VAV1: variants seen among roughly 807,000 people sequenced by gnomAD.
VAV1 encodes the protein proto-oncogene vav.
A neutral mutation model predicts 128.1 loss-of-function variants in VAV1; 33 were observed. The observed-to-expected ratio is 0.26, with a 90% CI of 0.20 to 0.34. The LOEUF is 0.34. VAV1 is among the 10% of genes least tolerant of loss of function. VAV1 has a pLI of 1.00. For synonymous variants in VAV1, 394 were observed against 409.8 expected (o/e 0.96, Z 0.47); for missense variants, 715 against 1,093.7 (o/e 0.65, Z 4.88).
chr19:6,812,327 A>G (rs1971531359), intron 1 of VAV1, among the ~76,000 whole-genome samples: 1 of 152,132 alleles, frequency 6.6e-6, no homozygotes, highest in African/African-American at 2.4e-5. Flanking sequence ...ATGAGTGAAG[A>G]TTGGAAGCTG....
intron 26 of VAV1, among the ~76,000 whole-genome samples, chr19:6,855,461 A>G (rs1972770482): frequency 6.6e-6 from 1 of 151,834 alleles, no homozygotes; most frequent in East Asian, 1.9e-4. Context: ...CTGTGCATCC[A>G]TCCATCTTAG....
At position 6,825,298 on chromosome 19, in the gene VAV1, A is replaced by G. The variant is rs1274960406; in HGVS notation, c.724-5A>G. ...GTCCCAGCCCTCACCCTTCCCTCCG[A>G]GTAGGACCTGCTTCGTGTTCATACT... On this transcript the variant is annotated splice_polypyrimidine_tract_variant and splice_region_variant and intron_variant, in intron 7 of 26. Transcript: ENST00000602142. 5.0e-6 allele frequency: 8 copies of G among 1,610,614 alleles called. No homozygotes were observed. The African/African-American group carries it at 9.4e-5, about 19-fold the overall frequency.
In VAV1 at chr19:6,826,542, G is replaced by C. The variant is rs896426486; in HGVS notation, c.828-70G>C. Reference sequence around the variant, plus strand: ...CTCCAGCGGGGAAGAGCAAGGCCAGGGCTGACGCCAGCCTCTGCCCGACCT... The same window carrying C: ...CTCCAGCGGGGAAGAGCAAGGCCAGCGCTGACGCCAGCCTCTGCCCGACCT... On this transcript the variant is annotated intron_variant, in intron 8 of 26. Coordinates refer to ENST00000602142, the MANE Select transcript of VAV1 (RefSeq NM_005428.4). The surrounding 1 kb of genome is among the most constrained non-coding windows in gnomAD (Gnocchi z 4.1). 9 of 1,237,648 alleles carry C rather than the reference G, an allele frequency of 7.3e-6. No homozygotes were observed. The highest frequency in any genetic ancestry group is 3.0e-5 in the African/African-American group (2 of 66,998). 76.7% of individuals were successfully genotyped at this position (1,237,648 alleles called of 1,614,324 possible). A position where few individuals can be genotyped will look rare whatever the true frequency, so the allele number is the denominator to read the frequency against.
chr19:6,851,026 G>A (rs1245671771), intron 24 of VAV1, among the ~76,000 whole-genome samples: 1 of 151,878 alleles, frequency 6.6e-6, no homozygotes, highest in Non-Finnish European at 1.5e-5. Context: ...ATGTATATAT[G>A]TATGTGTGTA....
intron 2 of VAV1, 30 bp from the exon 3 acceptor site, chr19:6,821,592 G>A (rs1971784793): frequency 6.2e-7 from 1 of 1,613,800 alleles, no homozygotes; most frequent in African/African-American, 1.3e-5. Flanking sequence ...TGTACAAGGG[G>A]CTCACTGAGT....
Position 6,856,959 on chromosome 19 carries a change from A to G in VAV1, c.2485-95A>G, listed in dbSNP as rs1280077687. ...ATAGACAGAAGGAAGAGCAGGTGCA[A>G]AGGCCCTGAGGTGGGAGGGAGCCTG... On this transcript the variant is annotated intron_variant, in intron 26 of 26. Transcript: ENST00000602142. 1.7e-5 allele frequency: 19 copies of G among 1,096,482 alleles called. No individual in the cohort carries two copies. In the South Asian group the frequency reaches 2.3e-4, roughly 14 times the overall value. The allele number at this position is 1,096,482 out of a possible 1,614,324, so 67.9% of individuals were successfully genotyped here.
chr19:6,776,198 CTCCA>C (rs1970622692), intron 1 of VAV1, among the ~76,000 whole-genome samples: 1 of 80,172 alleles, frequency 1.2e-5, no homozygotes, highest in African/African-American at 4.9e-5. Context: ...CCATCCACTC[CTCCA>C]TCCATCTGCT....
At chr19:6,799,017 T>C (rs1278006796) in intron 1 of VAV1, among the ~76,000 whole-genome samples, 2 of 151,390 alleles carry the variant, frequency 1.3e-5, no homozygotes, top group Non-Finnish European at 2.9e-5. Context: ...AGTGGAATGG[T>C]ACCATCTGTG....
At position 6,835,190 on chromosome 19, in the gene VAV1, T is replaced by C. The variant is rs151163671; in HGVS notation, c.1777+1237T>C. ...CCCGTGTCCTTTGTACAATAGAATA[T>C]ATATATGTGTATATATATATACATA... On this transcript the variant is annotated intron_variant, in intron 19 of 26. Transcript: ENST00000602142. Among the ~76,000 whole-genome samples the C allele has an allele frequency of 1.1e-4, 14 of 131,542 alleles. No individual in the cohort carries two copies. In the East Asian group the frequency reaches 3.0e-3, roughly 28 times the overall value. 86.3% of individuals were successfully genotyped at this position (131,542 alleles called of 152,430 possible).
intron 1 of VAV1, among the ~76,000 whole-genome samples, chr19:6,815,196 G>A (rs751695726): frequency 3.3e-4 from 50 of 152,006 alleles, no homozygotes; most frequent in Admixed American, 1.7e-3. Context: ...TGCCTGGGCC[G>A]GAGTGCAGTG....
At chr19:6,846,681 CTATA>C (rs1409520873) in intron 22 of VAV1, among the ~76,000 whole-genome samples, 3 of 147,612 alleles carry the variant, frequency 2.0e-5, no homozygotes, top group Non-Finnish European at 4.5e-5. Flanking sequence ...TTTACATAGA[CTATA>C]TATGGTGTAT....
chr19:6,814,683 T>TCTTCCTTC (rs1971595774), intron 1 of VAV1, among the ~76,000 whole-genome samples: 1 of 96,888 alleles, frequency 1.0e-5, no homozygotes, highest in African/African-American at 6.2e-5. Context: ...TTTCTTTCTT[T>TCTTCCTTC]CTTTCTTTCT....
intron 1 of VAV1, among the ~76,000 whole-genome samples, chr19:6,787,199 A>G (rs1315927853): frequency 4.6e-5 from 7 of 151,760 alleles, no homozygotes; most frequent in Admixed American, 3.9e-4. Context: ...GTTTTGAGAC[A>G]GGGTCTCACT....
At chr19:6,840,445 A>C (rs540009982) in intron 21 of VAV1, among the ~76,000 whole-genome samples, 1 of 151,922 alleles carries the variant, frequency 6.6e-6, no homozygotes, top group African/African-American at 2.4e-5. Context: ...AGCTGGGACT[A>C]CAGGCACTTG....
rs947849536 is a variant in VAV1, at chr19:6,825,297, G to T, written c.724-6G>T. ...GGTCCCAGCCCTCACCCTTCCCTCCGAGTAGGACCTGCTTCGTGTTCATAC... is the reference window on the plus strand; with the variant it reads ...GGTCCCAGCCCTCACCCTTCCCTCCTAGTAGGACCTGCTTCGTGTTCATAC... On this transcript the variant is annotated splice_polypyrimidine_tract_variant and splice_region_variant and intron_variant, in intron 7 of 26. Coordinates refer to ENST00000602142, the MANE Select transcript of VAV1 (RefSeq NM_005428.4). 1 of 1,610,402 alleles carries T rather than the reference G, an allele frequency of 6.2e-7. No homozygotes were observed. Among genetic ancestry groups the T allele is most frequent in the Non-Finnish European group, 8.5e-7 (1 of 1,178,200 alleles).
At position 6,825,292 on chromosome 19, in the gene VAV1, C is replaced by T. The variant is rs367963535; in HGVS notation, c.724-11C>T. 1.6e-4 allele frequency: 250 copies of T among 1,608,920 alleles called. 1 individual carries two copies. Among genetic ancestry groups the T allele is most frequent in the Non-Finnish European group, 2.4e-5 (28 of 1,177,022 alleles). On this transcript the variant is annotated splice_polypyrimidine_tract_variant and intron_variant, in intron 7 of 26. Coordinates refer to ENST00000602142, the MANE Select transcript of VAV1 (RefSeq NM_005428.4). The stretch of plus-strand genomic sequence containing the variant: ...GCTCTGGTCCCAGCCCTCACCCTTC[C>T]CTCCGAGTAGGACCTGCTTCGTGTT...
chr19:6,795,202 C>T (rs1971104943), intron 1 of VAV1, among the ~76,000 whole-genome samples: 1 of 152,084 alleles, frequency 6.6e-6, no homozygotes. Flanking sequence ...CAGCAGGGAC[C>T]TCCAATTGGC....
chr19:6,818,450 G>A (rs538621727), intron 1 of VAV1, among the ~76,000 whole-genome samples: 1 of 152,086 alleles, frequency 6.6e-6, no homozygotes, highest in Admixed American at 6.5e-5. Context: ...CAGCCACATG[G>A]GCCTCCTTGC....
In VAV1 at chr19:6,814,680, C is replaced by CTTTCTTTCTTTCTTTT. The variant is rs1971595085; in HGVS notation, c.205-6007_205-6006insTTTTCTTTCTTTCTTT. On this transcript the variant is annotated intron_variant, in intron 1 of 26. Coordinates refer to ENST00000602142, the MANE Select transcript of VAV1 (RefSeq NM_005428.4). ...CCTTCCTTCCTTCCTTCCTTTCTTT[C>CTTTCTTTCTTTCTTTT]TTTCTTTCTTTCTTTCTTTCTTTCT... Among the ~76,000 whole-genome samples, 6 of 105,664 alleles carry CTTTCTTTCTTTCTTTT rather than the reference C, an allele frequency of 5.7e-5. No homozygotes were observed. In the South Asian group the frequency reaches 1.9e-3, roughly 33 times the overall value. The allele number at this position is 105,664 out of a possible 152,430, so 69.3% of individuals were successfully genotyped here. A position where few individuals can be genotyped will look rare whatever the true frequency, so the allele number is the denominator to read the frequency against.
Sources: allele counts gnomAD v4.1 joint callset (sites outside exome capture counted in the v4.1 genomes callset), GRCh38; gene constraint gnomAD v4.1.1; non-coding constraint Gnocchi (gnomAD v3.1); transcripts MANE v1.5; gene names NCBI Gene and HGNC (gene_info 2026-07-23, HGNC 2026-07-21).